MDGA2: variants seen among roughly 807,000 people sequenced by gnomAD.
The protein encoded by MDGA2 is MAM domain containing glycosylphosphatidylinositol anchor 2.
MDGA2 carries 40 observed loss-of-function variants against 117.8 expected under a neutral mutation model. The ratio of observed to expected loss-of-function variants is 0.34; its 90% CI spans 0.26 to 0.44. The LOEUF is 0.44. MDGA2 is among the 20% of genes least tolerant of loss of function. The probability of loss-of-function intolerance (pLI) is 1.00; values close to 1 mark genes in which losing one functional copy is unlikely to be tolerated. For missense variants in MDGA2, 1,123 were observed against 1,250.6 expected (o/e 0.90, Z 1.54); for synonymous variants, 452 against 439.0 (o/e 1.03, Z -0.37).
chr14:46,940,664 T>A (rs1884965896), intron 9 of MDGA2, among the ~76,000 whole-genome samples: 2 of 149,656 alleles, frequency 1.3e-5, no homozygotes, highest in Non-Finnish European at 3.0e-5. Flanking sequence ...TTCCAAAATA[T>A]CTAAAAGCCT....
rs71985853 is a variant in MDGA2, at chr14:47,023,198, TAAA to T, written c.1819+11810_1819+11812del. Among the ~76,000 whole-genome samples the T allele has an allele frequency of 3.3e-4, 34 of 102,830 alleles. 1 individual carries two copies. In the Middle Eastern group the frequency reaches 0.015, roughly 46 times the overall value. 67.5% of individuals were successfully genotyped at this position (102,830 alleles called of 152,430 possible). On this transcript the variant is annotated intron_variant, in intron 8 of 16. Transcript: ENST00000399232. ...TTGCAACCGAAAGTATTCCCACTCG[TAAA>T]AAAAAAAAAAAAAAAAGAAAAAGAA...
Position 46,902,167 on chromosome 14 carries a change from T to C in MDGA2, c.2238+17845A>G, listed in dbSNP as rs531364735. Among the ~76,000 whole-genome samples the C allele has an allele frequency of 6.6e-5, 10 of 152,306 alleles. 1 individual carries two copies. Among genetic ancestry groups the C allele is most frequent in the African/African-American group, 2.2e-4 (9 of 41,570 alleles). ...TAATGTCTTTATATAAATACATCTA[T>C]TTTTAGTTTAGTTGATTTTTTTCAA... On this transcript the variant is annotated intron_variant, in intron 10 of 16. Coordinates refer to ENST00000399232, the MANE Select transcript of MDGA2 (RefSeq NM_001113498.3).
intron 10 of MDGA2, among the ~76,000 whole-genome samples, chr14:46,902,204 T>C (rs1157386103): frequency 6.6e-6 from 1 of 152,186 alleles, no homozygotes; most frequent in African/African-American, 2.4e-5. Context: ...AGTACCACCA[T>C]GACCTCAATT....
intron 8 of MDGA2, among the ~76,000 whole-genome samples, chr14:46,988,805 T>C (rs572816023): frequency 6.6e-6 from 1 of 152,150 alleles, no homozygotes; most frequent in South Asian, 2.1e-4. Context: ...TATTTCAGAA[T>C]AGATTCTTTG....
intron 8 of MDGA2, among the ~76,000 whole-genome samples, chr14:47,003,585 G>T (rs935661358): frequency 6.6e-6 from 1 of 152,016 alleles, no homozygotes; most frequent in African/African-American, 2.4e-5. Context: ...ACTCATTCTG[G>T]TGATTATTTG....
intron 10 of MDGA2, among the ~76,000 whole-genome samples, chr14:46,916,583 T>C (rs941969194): frequency 6.6e-6 from 1 of 152,150 alleles, no homozygotes; most frequent in African/African-American, 2.4e-5. Context: ...CAATGTTGCT[T>C]GCTGGGGCCA....
intron 1 of MDGA2, among the ~76,000 whole-genome samples, chr14:47,349,612 T>C (rs564310314): frequency 6.6e-6 from 1 of 152,342 alleles, no homozygotes; most frequent in African/African-American, 2.4e-5. Context: ...GTTGGCATTT[T>C]TGTTTTCATT....
chr14:47,040,656 C>T (rs894530218), intron 7 of MDGA2, among the ~76,000 whole-genome samples: 2 of 152,126 alleles, frequency 1.3e-5, no homozygotes, highest in Non-Finnish European at 2.9e-5. Flanking sequence ...CTCTTGCTGT[C>T]TTCTAGCACC....
intron 1 of MDGA2, among the ~76,000 whole-genome samples, chr14:47,365,963 T>A (rs1342092653): frequency 6.6e-6 from 1 of 152,226 alleles, no homozygotes; most frequent in Non-Finnish European, 1.5e-5. Flanking sequence ...TTTTAATTTA[T>A]CTAAATCTTT....
Position 47,155,919 on chromosome 14 carries a change from T to C in MDGA2, c.596-11645A>G, listed in dbSNP as rs1312824874. Among the ~76,000 whole-genome samples, 11 of 73,544 alleles carry C rather than the reference T, an allele frequency of 1.5e-4. 1 individual carries two copies. Among genetic ancestry groups the C allele is most frequent in the Non-Finnish European group, 3.0e-4 (11 of 37,252 alleles). 48.2% of individuals were successfully genotyped at this position (73,544 alleles called of 152,430 possible). On this transcript the variant is annotated intron_variant, in intron 3 of 16. Coordinates refer to ENST00000399232, the MANE Select transcript of MDGA2 (RefSeq NM_001113498.3). ...TTTTTTTTTTTTTTTTTTTTTTTTTTTTTTTTTTTTTTGAGACAGAGTCTC... is the reference window on the plus strand; with the variant it reads ...TTTTTTTTTTTTTTTTTTTTTTTTTCTTTTTTTTTTTTGAGACAGAGTCTC...
At chr14:47,671,182 C>T (rs1398350030) in intron 1 of MDGA2, among the ~76,000 whole-genome samples, 2 of 152,124 alleles carry the variant, frequency 1.3e-5, no homozygotes, top group Admixed American at 6.5e-5. Context: ...AACTGTGACA[C>T]CATATATAAA....
At chr14:47,362,233 C>A (rs181956228) in intron 1 of MDGA2, among the ~76,000 whole-genome samples, 1 of 152,138 alleles carries the variant, frequency 6.6e-6, no homozygotes, top group Non-Finnish European at 1.5e-5. Flanking sequence ...GAAGTACCTT[C>A]ATTTTCCCTT....
chr14:47,442,259 T>C (rs1312358203), intron 1 of MDGA2, among the ~76,000 whole-genome samples: 3 of 152,190 alleles, frequency 2.0e-5, no homozygotes, highest in Non-Finnish European at 2.9e-5. Flanking sequence ...GTCTGTTTAG[T>C]GTCAGGTAGT....
At chr14:46,995,864 C>A (rs1447322980) in intron 8 of MDGA2, among the ~76,000 whole-genome samples, 2 of 151,704 alleles carry the variant, frequency 1.3e-5, no homozygotes, top group Admixed American at 6.6e-5. Flanking sequence ...AGTTAAACAA[C>A]AAATTTCTTA....
At chr14:47,044,733 T>C (rs1889195898) in intron 7 of MDGA2, among the ~76,000 whole-genome samples, 1 of 152,150 alleles carries the variant, frequency 6.6e-6, no homozygotes, top group Non-Finnish European at 1.5e-5. Context: ...ATCTAGCAAT[T>C]GAACAGGAAG....
chr14:46,952,388 G>A (rs1350509747), intron 9 of MDGA2, among the ~76,000 whole-genome samples: 1 of 151,942 alleles, frequency 6.6e-6, no homozygotes, highest in Non-Finnish European at 1.5e-5. Flanking sequence ...TGAGGATTAA[G>A]ATGGAAGAAG....
intron 3 of MDGA2, among the ~76,000 whole-genome samples, chr14:47,145,466 T>C (rs1288174352): frequency 6.6e-6 from 1 of 152,222 alleles, no homozygotes; most frequent in Non-Finnish European, 1.5e-5. Flanking sequence ...GTTCTTTTCT[T>C]AAGCGAAAGA....
intron 1 of MDGA2, among the ~76,000 whole-genome samples, chr14:47,424,085 T>C (rs925177734): frequency 1.3e-5 from 2 of 152,112 alleles, no homozygotes; most frequent in African/African-American, 4.8e-5. Flanking sequence ...AGTGCTAGGA[T>C]TATAGGCATG....
chr14:46,915,935 C>G (rs1311645404), intron 10 of MDGA2, among the ~76,000 whole-genome samples: 1 of 152,060 alleles, frequency 6.6e-6, no homozygotes, highest in Non-Finnish European at 1.5e-5. Context: ...CTGGGTATCT[C>G]TGGGCATCTC....
Sources: allele counts gnomAD v4.1 joint callset (sites outside exome capture counted in the v4.1 genomes callset), GRCh38; gene constraint gnomAD v4.1.1; transcripts MANE v1.5; gene names NCBI Gene and HGNC (gene_info 2026-07-23, HGNC 2026-07-21).